GALNT16: variants seen among roughly 807,000 people sequenced by gnomAD.
The protein encoded by GALNT16 is UDP-GalNAc:polypeptide N-acetylgalactosaminyltransferase-like protein 1.
Under a neutral mutation model 76.1 loss-of-function variants are expected in GALNT16, and 40 were observed. That is an observed-to-expected ratio of 0.53 (90% CI 0.41 to 0.68). GALNT16 has a LOEUF of 0.68. Ranked by LOEUF, GALNT16 falls within the 30% of genes least tolerant of loss-of-function variation. The pLI is 0.00. For synonymous variants in GALNT16, 276 were observed against 285.2 expected (o/e 0.97, Z 0.32); for missense variants, 621 against 731.9 (o/e 0.85, Z 1.75).
intron 1 of GALNT16, among the ~76,000 whole-genome samples, chr14:69,278,437 T>C (rs1221613463): frequency 6.6e-6 from 1 of 152,236 alleles, no homozygotes; most frequent in Non-Finnish European, 1.5e-5. Context: ...AATAATTGAT[T>C]CAGATCTTTT....
chr14:69,324,106 C>T (rs1015723113), intron 2 of GALNT16, among the ~76,000 whole-genome samples: 1 of 151,886 alleles, frequency 6.6e-6, no homozygotes, highest in Non-Finnish European at 1.5e-5. Context: ...TTAACAGAGG[C>T]TTGTTTCCTC....
chr14:69,314,188 G>A (rs1263016905), intron 1 of GALNT16, among the ~76,000 whole-genome samples: 3 of 152,256 alleles, frequency 2.0e-5, no homozygotes, highest in African/African-American at 7.2e-5. Context: ...TATAATAATA[G>A]TTAATAACAA....
Position 69,347,996 on chromosome 14 carries a change from C to G in GALNT16, c.1533C>G (p.Gly511=). The G allele has an allele frequency of 6.2e-7, 1 of 1,614,054 alleles. No individual in the cohort carries two copies. Among genetic ancestry groups the G allele is most frequent in the Non-Finnish European group, 8.5e-7 (1 of 1,179,990 alleles). Residue 511 remains glycine, a synonymous_variant, in exon 14 of 15, where the codon GGC becomes GGG. Coordinates refer to ENST00000448469, the MANE Select transcript of GALNT16 (RefSeq NM_001168368.2). ...TGCAGATGTGCAACCCTAGAGAAGG[C>G]AAGCAGGTGAGTCTCCTTGCCTCTG... The part of the protein sequence containing the change: ...VILQMCNPRE[G]KQKWRRKGSF...
intron 1 of GALNT16, among the ~76,000 whole-genome samples, chr14:69,286,382 A>G (rs1381463323): frequency 6.6e-6 from 1 of 150,648 alleles, no homozygotes; most frequent in East Asian, 2.0e-4. Flanking sequence ...AGCTCACTGC[A>G]ACCTCTGGCT....
At position 69,276,940 on chromosome 14, in the gene GALNT16, C is replaced by A. The variant is rs569162506; in HGVS notation, c.177+16473C>A. On this transcript the variant is annotated intron_variant, in intron 1 of 14. Transcript: ENST00000448469. Reference sequence around the variant, plus strand: ...CCTGTTCCCCCAAGCCTGTCACGCACGTGGCACTGTGGTCACTTGCCTGGA... The same window carrying A: ...CCTGTTCCCCCAAGCCTGTCACGCAAGTGGCACTGTGGTCACTTGCCTGGA... 5.3e-5 allele frequency among the ~76,000 whole-genome samples: 8 copies of A among 152,226 alleles called. No individual in the cohort carries two copies. The East Asian group carries it at 1.5e-3, about 29-fold the overall frequency.
the GALNT16 span, among the ~76,000 whole-genome samples, chr14:69,369,120 T>C: frequency 6.6e-6 from 1 of 151,890 alleles, no homozygotes; most frequent in Non-Finnish European, 1.5e-5. Context: ...CACCCTGAGG[T>C]AGGAAGATCA....
chr14:69,296,434 C>T (rs1017466442), intron 1 of GALNT16, among the ~76,000 whole-genome samples: 2 of 152,170 alleles, frequency 1.3e-5, no homozygotes, highest in African/African-American at 4.8e-5. Context: ...TGGCTCATGC[C>T]TGTAATCCCA....
chr14:69,327,288 G>A (rs907977815), intron 5 of GALNT16, among the ~76,000 whole-genome samples: 3 of 152,160 alleles, frequency 2.0e-5, no homozygotes, highest in African/African-American at 7.2e-5. Context: ...AACCCAGGAG[G>A]CAGAGGTTGC....
In GALNT16 at chr14:69,343,176, C is replaced by T. The variant is rs567338093; in HGVS notation, c.1271+1412C>T. Among the ~76,000 whole-genome samples the T allele has an allele frequency of 7.8e-4, 119 of 152,342 alleles. 1 individual carries two copies. Among genetic ancestry groups the T allele is most frequent in the African/African-American group, 2.6e-3 (110 of 41,576 alleles). ...TCTATAGCTGTCACCTTGGGGAACA[C>T]GTGTCCCACCGCTGCCAGCTTTCTC... On this transcript the variant is annotated intron_variant, in intron 12 of 14. Transcript: ENST00000448469.
At chr14:69,382,861 A>T in the GALNT16 span, among the ~76,000 whole-genome samples, 1 of 152,024 alleles carries the variant, frequency 6.6e-6, no homozygotes, top group East Asian at 1.9e-4. Context: ...GTTAACTGGC[A>T]CTTGAAAATG....
intron 9 of GALNT16, among the ~76,000 whole-genome samples, chr14:69,334,348 G>A (rs921963226): frequency 3.3e-5 from 5 of 152,178 alleles, no homozygotes; most frequent in African/African-American, 4.8e-5. Context: ...AAGTGGGATC[G>A]GAGCCCAAAC....
intron 1 of GALNT16, among the ~76,000 whole-genome samples, chr14:69,269,786 G>A (rs997359976): frequency 2.7e-5 from 4 of 149,640 alleles, no homozygotes; most frequent in Non-Finnish European, 5.9e-5. Context: ...GTATGTGTGT[G>A]TGTGTCTGTG....
chr14:69,329,816 C>T (rs1594856005), intron 6 of GALNT16, among the ~76,000 whole-genome samples: 1 of 151,952 alleles, frequency 6.6e-6, no homozygotes, highest in Non-Finnish European at 1.5e-5. Flanking sequence ...CCAGATCTCA[C>T]GAGAAGTCAC....
At position 69,260,436 on chromosome 14, in the gene GALNT16, A is replaced by C; in HGVS notation, c.146A>C (p.Gln49Pro). 1 of 1,577,856 alleles carries C rather than the reference A, an allele frequency of 6.3e-7. No homozygotes were observed. Among genetic ancestry groups the C allele is most frequent in the East Asian group, 2.3e-5 (1 of 42,920 alleles). Residue 49 changes from glutamine (Q) to proline (P), a missense_variant, in exon 1 of 15, where the codon CAG becomes CCG. Physicochemically the swap from Gln to Pro is moderately conservative, Grantham distance 76. Transcript: ENST00000448469. ...GAQRAGRRSEQLREDRTIPLI... is the reference protein window; with the variant it reads ...GAQRAGRRSEPLREDRTIPLI... Reference sequence around the variant, plus strand: ...CAGAGGGCAGGCAGGAGGTCGGAGCAGCTCCGCGAGGACCGCACCATCCCG... The same window carrying C: ...CAGAGGGCAGGCAGGAGGTCGGAGCCGCTCCGCGAGGACCGCACCATCCCG...
intron 1 of GALNT16, among the ~76,000 whole-genome samples, chr14:69,275,938 C>T (rs2044465698): frequency 6.6e-6 from 1 of 152,184 alleles, no homozygotes; most frequent in Non-Finnish European, 1.5e-5. Context: ...TTTGGACTTA[C>T]AGTTCTACAT....
chr14:69,355,814 T>C (rs2045688708), downstream of GALNT16: 1 of 152,266 alleles, frequency 6.6e-6, no homozygotes, highest in Admixed American at 6.5e-5. Context: ...CTTCAGTTTT[T>C]ACAAGGGCTG....
At chr14:69,380,541 T>C in the GALNT16 span, 1 of 1,540,340 alleles carries the variant, frequency 6.5e-7, no homozygotes, top group Non-Finnish European at 9.0e-7. Flanking sequence ...AACACAATTA[T>C]TTCCCAGCCT....
the GALNT16 span, chr14:69,380,571 G>A: frequency 1.9e-6 from 3 of 1,610,354 alleles, no homozygotes; most frequent in African/African-American, 1.3e-5. Flanking sequence ...GCCGACGAAG[G>A]AGCACGTAGA....
chr14:69,283,088 T>G (rs1434425171), intron 1 of GALNT16, among the ~76,000 whole-genome samples: 2 of 152,244 alleles, frequency 1.3e-5, no homozygotes, highest in African/African-American at 4.8e-5. Flanking sequence ...GCACCTGCCA[T>G]GCAGATACCT....
Sources: allele counts gnomAD v4.1 joint callset (sites outside exome capture counted in the v4.1 genomes callset), GRCh38; gene constraint gnomAD v4.1.1; transcripts MANE v1.5; gene names NCBI Gene and HGNC (gene_info 2026-07-23, HGNC 2026-07-21).